Variants in RHPN2 observed in about 807,000 individuals in gnomAD.
The protein encoded by RHPN2 is rhophilin-2.
RHPN2 carries 40 observed loss-of-function variants against 79.0 expected under a neutral mutation model. The observed-to-expected ratio is 0.51, with a 90% CI of 0.39 to 0.66. The LOEUF is 0.66. RHPN2 is among the 30% of genes least tolerant of loss of function. RHPN2 has a pLI of 0.00. For missense variants in RHPN2, 686 were observed against 883.5 expected (o/e 0.78, Z 2.83); for synonymous variants, 285 against 363.5 (o/e 0.78, Z 2.46).
At chr19:33,002,133 C>A (rs1971753290) in intron 9 of RHPN2, 114 bp downstream of exon 9, 1 of 1,328,614 alleles carries the variant, frequency 7.5e-7, no homozygotes, top group Admixed American at 2.0e-5. Flanking sequence ...CATCCTCTGC[C>A]TTCAGCCTGT....
intron 1 of RHPN2, among the ~76,000 whole-genome samples, chr19:33,052,216 G>C (rs779635232): frequency 6.6e-6 from 1 of 152,098 alleles, no homozygotes; most frequent in Non-Finnish European, 1.5e-5. Flanking sequence ...CCCTATGGGG[G>C]CCCTGCTCCA....
intron 3 of RHPN2, among the ~76,000 whole-genome samples, chr19:33,025,119 C>T (rs538892053): frequency 4.5e-4 from 68 of 152,044 alleles, no homozygotes; most frequent in Non-Finnish European, 8.4e-4. Context: ...TTGGCTTTCA[C>T]GTTGAAGAAA....
intron 3 of RHPN2, 51 bp from the exon 4 acceptor site, chr19:33,021,697 T>G (rs1971925446): frequency 6.9e-7 from 1 of 1,445,030 alleles, no homozygotes; most frequent in Non-Finnish European, 9.7e-7. Flanking sequence ...CGGACCCCTG[T>G]GCACCCCACG....
chr19:33,045,341 C>T (rs1027186120), intron 1 of RHPN2, among the ~76,000 whole-genome samples: 7 of 152,112 alleles, frequency 4.6e-5, no homozygotes, highest in Non-Finnish European at 8.8e-5. Flanking sequence ...GTGTGAGCCA[C>T]TGCGCCTGGC....
At chr19:33,039,267 A>G (rs1599830193) in intron 2 of RHPN2, among the ~76,000 whole-genome samples, 1 of 152,084 alleles carries the variant, frequency 6.6e-6, no homozygotes, top group South Asian at 2.1e-4. Flanking sequence ...TCAATGGAGG[A>G]AGGTGGGCCT....
intron 14 of RHPN2, among the ~76,000 whole-genome samples, chr19:32,987,497 C>T (rs1048641734): frequency 6.6e-6 from 1 of 152,198 alleles, no homozygotes; most frequent in African/African-American, 2.4e-5. Flanking sequence ...TCATTCTCCA[C>T]CACTCAACTG....
chr19:33,026,561 A>G lies in RHPN2; in HGVS notation c.257T>C (p.Met86Thr). The part of the protein sequence containing the change: ...ELSFVNSDLQ[M>T]LKEELEGLNI... The stretch of plus-strand genomic sequence containing the variant: ...CAGCCCCTCCAGCTCTTCCTTGAGC[A>G]TCTGCAGGTCTGAGTTGACGAAGCT... The change falls in exon 3 of 15, where the codon ATG (methionine) becomes ACG (threonine). Residue 86 changes from methionine to threonine, a missense_variant. Physicochemically the swap from Met to Thr is moderately conservative, Grantham distance 81. Coordinates refer to ENST00000254260, the MANE Select transcript of RHPN2 (RefSeq NM_033103.5). 1.2e-6 allele frequency: 2 copies of G among 1,609,564 alleles called. No homozygotes were observed. Among genetic ancestry groups the G allele is most frequent in the Non-Finnish European group, 1.7e-6 (2 of 1,179,812 alleles).
chr19:33,050,173 C>T (rs1436232574), intron 1 of RHPN2, among the ~76,000 whole-genome samples: 1 of 152,152 alleles, frequency 6.6e-6, no homozygotes, highest in African/African-American at 2.4e-5. Flanking sequence ...TGGCCTTGAA[C>T]CTGGGAGGCT....
chr19:32,980,292 A>G lies in RHPN2; in HGVS notation c.1801-36T>C, dbSNP rs753396932. Reference sequence around the variant, plus strand: ...AAAAGTAAGAAAAAGGGCGTCAGGCATCATCAAGATAGATGATAAAAACTA... The same window carrying G: ...AAAAGTAAGAAAAAGGGCGTCAGGCGTCATCAAGATAGATGATAAAAACTA... On this transcript the variant is annotated intron_variant, in intron 14 of 14. Coordinates refer to ENST00000254260, the MANE Select transcript of RHPN2 (RefSeq NM_033103.5). 4.3e-6 allele frequency: 7 copies of G among 1,613,566 alleles called. No homozygotes were observed. In the African/African-American group the frequency reaches 8.0e-5, roughly 18 times the overall value.
intron 10 of RHPN2, among the ~76,000 whole-genome samples, chr19:32,999,293 G>A (rs975211236): frequency 5.3e-5 from 8 of 152,082 alleles, no homozygotes; most frequent in African/African-American, 1.2e-4. Flanking sequence ...ATCAACAAAC[G>A]TCTCCTTCCC....
intron 6 of RHPN2, among the ~76,000 whole-genome samples, chr19:33,011,130 G>C (rs1404097444): frequency 6.6e-6 from 1 of 152,114 alleles, no homozygotes. Context: ...GATCTAAGCT[G>C]AGTGAGTAGC....
Position 33,061,330 on chromosome 19 carries a change from C to G in RHPN2, c.69+3454G>C, listed in dbSNP as rs186319407. 2.7e-3 allele frequency among the ~76,000 whole-genome samples: 404 copies of G among 151,654 alleles called. 2 individuals are homozygous for G. Among genetic ancestry groups the G allele is most frequent in the African/African-American group, 9.2e-3 (381 of 41,318 alleles). ...CCGCCATTCTCCTGCCTCAGCCTCC[C>G]GAGTAGCTGGGACTACAGGCACCCG... On this transcript the variant is annotated intron_variant, in intron 1 of 14. Transcript: ENST00000254260.
intron 5 of RHPN2, 151 bp downstream of exon 5, chr19:33,012,496 T>A: frequency 1.4e-6 from 1 of 710,330 alleles, no homozygotes; most frequent in Non-Finnish European, 2.6e-6. Flanking sequence ...ACAGTTTTCT[T>A]ATGCAGCAAG....
At chr19:33,049,077 G>C (rs1350781941) in intron 1 of RHPN2, among the ~76,000 whole-genome samples, 1 of 152,156 alleles carries the variant, frequency 6.6e-6, no homozygotes, top group African/African-American at 2.4e-5. Flanking sequence ...GGAACACTTA[G>C]GGTTAGATTT....
intron 6 of RHPN2, 74 bp from the exon 7 acceptor site, chr19:33,008,254 T>TC: frequency 1.4e-6 from 2 of 1,452,886 alleles, no homozygotes; most frequent in Non-Finnish European, 1.9e-6. Context: ...AAAATTCTTT[T>TC]TTTTTTTTTT....
At chr19:33,037,990 C>T (rs1344026562) in intron 2 of RHPN2, among the ~76,000 whole-genome samples, 1 of 152,050 alleles carries the variant, frequency 6.6e-6, no homozygotes, top group African/African-American at 2.4e-5. Flanking sequence ...ATTGCTTGAG[C>T]CCTGGAGTTT....
At chr19:33,023,612 C>T (rs1268502560) in intron 3 of RHPN2, among the ~76,000 whole-genome samples, 3 of 151,298 alleles carry the variant, frequency 2.0e-5, no homozygotes, top group Non-Finnish European at 4.4e-5. Context: ...GGTGAAACCC[C>T]GTCTCTACTA....
intron 2 of RHPN2, among the ~76,000 whole-genome samples, chr19:33,031,105 T>C (rs546775872): frequency 6.6e-6 from 1 of 152,246 alleles, no homozygotes; most frequent in African/African-American, 2.4e-5. Context: ...CAAGTTATGG[T>C]GGGAGAGGGG....
intron 14 of RHPN2, among the ~76,000 whole-genome samples, chr19:32,986,296 C>A (rs61491843): frequency 0.15 from 23,265 of 152,254 alleles, 2,030 homozygotes; most frequent in Non-Finnish European, 0.2. Context: ...GAAACTCAGG[C>A]CTCTGCTGAT....
Sources: allele counts gnomAD v4.1 joint callset (sites outside exome capture counted in the v4.1 genomes callset), GRCh38; gene constraint gnomAD v4.1.1; transcripts MANE v1.5; gene names NCBI Gene and HGNC (gene_info 2026-07-23, HGNC 2026-07-21).